The following SFXN5 variants were observed in gnomAD, a reference collection of about 807,000 sequenced individuals.
The protein encoded by SFXN5 is sideroflexin 5.
SFXN5 carries 43 observed loss-of-function variants against 50.2 expected under a neutral mutation model. The ratio of observed to expected loss-of-function variants is 0.86; its 90% CI spans 0.67 to 1.11. SFXN5 has a LOEUF of 1.11. Ranked by LOEUF, SFXN5 falls within the 50% of genes least tolerant of loss-of-function variation. SFXN5 has a pLI of 0.00. For missense variants in SFXN5, 463 were observed against 454.1 expected, an observed-to-expected ratio of 1.02 and a Z score of -0.18; for synonymous variants, 203 against 185.8, an observed-to-expected ratio of 1.09 and a Z score of -0.75.
At chr2:73,034,514 C>T (rs939685182) in intron 3 of SFXN5, among the ~76,000 whole-genome samples, 5 of 152,182 alleles carry the variant, frequency 3.3e-5, no homozygotes, top group African/African-American at 4.8e-5. Flanking sequence ...CTAGGCAGGT[C>T]GCAGACAGAA....
At chr2:72,982,740 A>T (rs753764097) in intron 10 of SFXN5, among the ~76,000 whole-genome samples, 2 of 152,178 alleles carry the variant, frequency 1.3e-5, no homozygotes, top group African/African-American at 2.4e-5. Context: ...AAGGCCTGGT[A>T]GTCGAGGGAG....
At chr2:72,990,150 G>A (rs538835405) in intron 9 of SFXN5, among the ~76,000 whole-genome samples, 43 of 152,390 alleles carry the variant, frequency 2.8e-4, no homozygotes, top group African/African-American at 1.0e-3. Context: ...CAGCCCCGGG[G>A]CAGCGCAGCA....
intron 2 of SFXN5, among the ~76,000 whole-genome samples, chr2:73,045,290 C>G (rs1462288780): frequency 6.6e-6 from 1 of 152,156 alleles, no homozygotes; most frequent in Non-Finnish European, 1.5e-5. Flanking sequence ...CTGCTGTACT[C>G]ACGCCAGCAA....
rs781345817 is a variant in SFXN5, at chr2:73,040,876, C to G, written c.227G>C (p.Arg76Pro). ...TACCTGTTCATTGGTGACCCCCGGG[C>G]GCAGGGTCCCATGCTTATAGTCCTC... ...LLEDYKHGTL[R>P]PGVTNEQLWS... The change falls in exon 3 of 14, where the codon CGC (arginine) becomes CCC (proline). Residue 76 changes from arginine to proline, a missense_variant. Physicochemically the swap from Arg to Pro is moderately radical, Grantham distance 103. Coordinates refer to ENST00000272433, the MANE Select transcript of SFXN5 (RefSeq NM_144579.3). 3 of 1,612,676 alleles carry G rather than the reference C, an allele frequency of 1.9e-6. No individual in the cohort carries two copies. In the African/African-American group the frequency reaches 4.0e-5, roughly 22 times the overall value.
chr2:73,006,905 G>T (rs945417240), intron 6 of SFXN5, among the ~76,000 whole-genome samples: 1 of 152,238 alleles, frequency 6.6e-6, no homozygotes, highest in South Asian at 2.1e-4. Flanking sequence ...AGGAAGAGGG[G>T]CAGTTTGTGC....
At chr2:73,056,434 C>T (rs983017920) in intron 2 of SFXN5, among the ~76,000 whole-genome samples, 1 of 151,728 alleles carries the variant, frequency 6.6e-6, no homozygotes, top group African/African-American at 2.4e-5. Context: ...GCCTGTAACC[C>T]CAGCATTTTG....
At chr2:73,035,841 A>G (rs1250759217) in intron 3 of SFXN5, among the ~76,000 whole-genome samples, 3 of 152,140 alleles carry the variant, frequency 2.0e-5, no homozygotes, top group Non-Finnish European at 4.4e-5. Context: ...CCTGGAGGAG[A>G]GAGCAGCCAC....
At chr2:72,995,550 T>C (rs770803110) in intron 9 of SFXN5, among the ~76,000 whole-genome samples, 10 of 152,020 alleles carry the variant, frequency 6.6e-5, no homozygotes, top group Non-Finnish European at 1.5e-4. Flanking sequence ...TGGCCTCCAC[T>C]CCAGTTTGCC....
At chr2:72,956,381 T>G (rs1478448708) in intron 13 of SFXN5, among the ~76,000 whole-genome samples, 2 of 152,102 alleles carry the variant, frequency 1.3e-5, no homozygotes, top group Non-Finnish European at 2.9e-5. Flanking sequence ...AAACACTGAT[T>G]CCAAAAGGTC....
intron 3 of SFXN5, among the ~76,000 whole-genome samples, chr2:73,025,370 C>T (rs1032169558): frequency 4.5e-4 from 69 of 152,262 alleles, no homozygotes; most frequent in African/African-American, 1.5e-3. Flanking sequence ...ACTGGCTTTT[C>T]AGCACTATCT....
intron 13 of SFXN5, among the ~76,000 whole-genome samples, chr2:72,951,408 CT>C (rs1559078410): frequency 1.3e-5 from 2 of 152,208 alleles, no homozygotes; most frequent in East Asian, 3.8e-4. Context: ...AGCACCTTCC[CT>C]TGTGGTGTGG....
chr2:73,045,341 C>A (rs940472188), intron 2 of SFXN5, among the ~76,000 whole-genome samples: 5 of 152,112 alleles, frequency 3.3e-5, no homozygotes, highest in South Asian at 2.1e-4. Flanking sequence ...AAAGCCCCCC[C>A]AGAACTGATG....
chr2:73,021,474 ACT>A (rs1210659900), intron 5 of SFXN5, among the ~76,000 whole-genome samples: 1 of 151,918 alleles, frequency 6.6e-6, no homozygotes, highest in African/African-American at 2.4e-5. Flanking sequence ...AAAGAGGGAG[ACT>A]CTGTCTCAAA....
intron 3 of SFXN5, among the ~76,000 whole-genome samples, chr2:73,027,388 A>C (rs1677708612): frequency 6.6e-6 from 1 of 152,270 alleles, no homozygotes; most frequent in African/African-American, 2.4e-5. Context: ...TTTTAAGCTA[A>C]GTGTTATTAC....
intron 3 of SFXN5, among the ~76,000 whole-genome samples, chr2:73,035,429 C>CA (rs1678844007): frequency 1.3e-5 from 2 of 151,320 alleles, no homozygotes; most frequent in African/African-American, 4.8e-5. Flanking sequence ...CTGCTAAACC[C>CA]AAAAGTTAAA....
At chr2:73,064,238 A>C (rs1009882999) in intron 1 of SFXN5, among the ~76,000 whole-genome samples, 2 of 152,248 alleles carry the variant, frequency 1.3e-5, no homozygotes, top group African/African-American at 4.8e-5. Flanking sequence ...TCGATTAGGA[A>C]TAATATACTC....
intron 9 of SFXN5, chr2:72,998,221 C>T (rs1391752730): frequency 6.7e-6 from 1 of 149,770 alleles, no homozygotes; most frequent in Non-Finnish European, 1.5e-5. Context: ...GACAGCCAGA[C>T]GTAGGTACAG....
At chr2:73,056,203 T>C (rs535043299) in intron 2 of SFXN5, among the ~76,000 whole-genome samples, 2 of 152,102 alleles carry the variant, frequency 1.3e-5, no homozygotes, top group Non-Finnish European at 2.9e-5. Flanking sequence ...CCTACATACA[T>C]TTGTAAATAC....
chr2:72,988,316 G>A lies in SFXN5; in HGVS notation c.567C>T (p.Asn189=). 7 of 1,613,880 alleles carry A rather than the reference G, an allele frequency of 4.3e-6. No individual in the cohort carries two copies. In the African/African-American group the frequency reaches 6.7e-5, roughly 15 times the overall value. ...GAAGGCGGGTGGCTGGGGTGAACTT[G>A]TTGGCTTTCTGAACCAGGACATTAA... ...VGLNVLVQKA[N]KFTPATRLLI... The change falls in exon 10 of 14, where the codon AAC becomes AAT. Residue 189 remains asparagine, a synonymous_variant. Transcript: ENST00000272433.
Sources: gnomAD v4.1 joint callset for allele counts (sites outside exome capture counted in the v4.1 genomes callset) on GRCh38, gnomAD v4.1.1 for gene constraint, MANE v1.5 for transcripts, NCBI Gene and HGNC (gene_info 2026-07-23, HGNC 2026-07-21) for gene names.